Variants in CSMD1 observed in about 807,000 individuals in gnomAD.
The protein encoded by CSMD1 is CUB and sushi domain-containing protein 1.
A neutral mutation model predicts 417.5 loss-of-function variants in CSMD1; 213 were observed. That is an observed-to-expected ratio of 0.51 (90% CI 0.46 to 0.57). The LOEUF is 0.57. Ranked by LOEUF, CSMD1 falls within the 20% of genes least tolerant of loss-of-function variation. CSMD1 has a pLI of 0.00. For missense variants in CSMD1, 6,923 were observed against 4,529.7 expected, an observed-to-expected ratio of 1.53 and a Z score of -15.17; for synonymous variants, 2,862 against 1,736.8, an observed-to-expected ratio of 1.65 and a Z score of -16.11.
intron 5 of CSMD1, among the ~76,000 whole-genome samples, chr8:3,973,965 C>T (rs1016079985): frequency 3.3e-5 from 5 of 152,178 alleles, no homozygotes; most frequent in African/African-American, 9.7e-5. Context: ...ATATCCATTC[C>T]CTCAAGCATT....
intron 3 of CSMD1, among the ~76,000 whole-genome samples, chr8:4,288,545 G>A (rs1235993358): frequency 3.3e-5 from 5 of 152,142 alleles, no homozygotes; most frequent in African/African-American, 1.2e-4. Flanking sequence ...CTGTCCTTAT[G>A]ACTTGTCCTT....
chr8:3,008,513 G>C (rs1808135943), intron 52 of CSMD1, among the ~76,000 whole-genome samples: 1 of 152,202 alleles, frequency 6.6e-6, no homozygotes, highest in Non-Finnish European at 1.5e-5. Context: ...TTTAGTGTAA[G>C]TTATAAAACA....
chr8:4,235,856 G>C (rs972952686), intron 3 of CSMD1, among the ~76,000 whole-genome samples: 2 of 152,094 alleles, frequency 1.3e-5, no homozygotes, highest in South Asian at 2.1e-4. Flanking sequence ...GCCATCCTTT[G>C]ATTCTAACTG....
At chr8:4,053,585 C>CT (rs770560584) in intron 3 of CSMD1, among the ~76,000 whole-genome samples, 9 of 152,134 alleles carry the variant, frequency 5.9e-5, no homozygotes, top group Non-Finnish European at 1.3e-4. Context: ...TCCACTCCTG[C>CT]TCTTAGCAAC....
chr8:3,258,716 A>C (rs567003924), intron 26 of CSMD1, among the ~76,000 whole-genome samples: 15 of 152,256 alleles, frequency 9.9e-5, no homozygotes, highest in Non-Finnish European at 1.9e-4. Flanking sequence ...GATAGACTGG[A>C]TAAAGAAAAC....
chr8:3,521,760 G>A (rs181627929), intron 10 of CSMD1, among the ~76,000 whole-genome samples: 1 of 152,170 alleles, frequency 6.6e-6, no homozygotes, highest in South Asian at 2.1e-4. Flanking sequence ...CTCATTTATT[G>A]TATTCCCAGA....
chr8:4,559,099 G>A (rs1328748322), intron 2 of CSMD1, among the ~76,000 whole-genome samples: 1 of 152,132 alleles, frequency 6.6e-6, no homozygotes, highest in African/African-American at 2.4e-5. Flanking sequence ...GCTGCTGCAT[G>A]TTTATACTTC....
rs1031678746 is a variant in CSMD1 at position 3,106,194 on chromosome 8, T to C, written c.6949+334A>G. Reference sequence around the variant, plus strand: ...CGAGTCCAGAAGTTCAAGACCAGCCTGGGTAACATGTTGAAAACCCATTTC... The same window carrying C: ...CGAGTCCAGAAGTTCAAGACCAGCCCGGGTAACATGTTGAAAACCCATTTC... On this transcript the variant is annotated intron_variant, in intron 46 of 69. Transcript: ENST00000635120. Among the ~76,000 whole-genome samples the C allele has an allele frequency of 1.3e-3, 181 of 140,342 alleles. 1 individual carries two copies. The highest frequency in any genetic ancestry group is 4.4e-3 in the African/African-American group (168 of 38,160). The allele number at this position is 140,342 out of a possible 152,430, so 92.1% of individuals were successfully genotyped here. A position where few individuals can be genotyped will look rare whatever the true frequency, so the allele number is the denominator to read the frequency against.
At chr8:4,815,745 T>C (rs1799170863) in intron 1 of CSMD1, among the ~76,000 whole-genome samples, 1 of 151,526 alleles carries the variant, frequency 6.6e-6, no homozygotes, top group Non-Finnish European at 1.5e-5. Context: ...TTTAAATCTT[T>C]TTAAAAGGAG....
chr8:4,784,935 G>A (rs1399546571), intron 1 of CSMD1, among the ~76,000 whole-genome samples: 1 of 151,738 alleles, frequency 6.6e-6, no homozygotes, highest in Non-Finnish European at 1.5e-5. Flanking sequence ...TTGTAAAGAT[G>A]ACTAAATTAG....
intron 41 of CSMD1, among the ~76,000 whole-genome samples, chr8:3,140,296 T>G (rs370602248): frequency 2.3e-4 from 35 of 152,140 alleles, no homozygotes; most frequent in African/African-American, 8.2e-4. Flanking sequence ...CTGTATCCAT[T>G]TTGTTGTGGG....
chr8:3,852,723 G>C lies in CSMD1; in HGVS notation c.819-98681C>G, dbSNP rs3102414. 5.3e-3 allele frequency among the ~76,000 whole-genome samples: 808 copies of C among 152,088 alleles called. 9 individuals carry two copies. Among genetic ancestry groups the C allele is most frequent in the African/African-American group, 0.019 (783 of 41,492 alleles). On this transcript the variant is annotated intron_variant, in intron 5 of 69. Transcript: ENST00000635120. Reference sequence around the variant, plus strand: ...GGAGGCTGTGAGGGACGGGAGAGATGGAGGGTCAGGTAAGCGTCTGCATCT... The same window carrying C: ...GGAGGCTGTGAGGGACGGGAGAGATCGAGGGTCAGGTAAGCGTCTGCATCT...
intron 25 of CSMD1, among the ~76,000 whole-genome samples, chr8:3,298,667 T>G (rs977884365): frequency 1.3e-5 from 2 of 152,190 alleles, no homozygotes; most frequent in Admixed American, 6.5e-5. Flanking sequence ...TTGATCAGGT[T>G]GGTCTTGAAC....
chr8:3,906,998 G>C (rs907031399), intron 5 of CSMD1, among the ~76,000 whole-genome samples: 1 of 152,136 alleles, frequency 6.6e-6, no homozygotes, highest in Non-Finnish European at 1.5e-5. Flanking sequence ...GTTGTAAGAA[G>C]GTCTTCATAT....
intron 18 of CSMD1, among the ~76,000 whole-genome samples, chr8:3,374,051 C>G (rs1374471408): frequency 2.7e-5 from 4 of 150,746 alleles, no homozygotes; most frequent in South Asian, 2.1e-4. Flanking sequence ...CTCCCGGGTT[C>G]AAGCAATTCT....
intron 12 of CSMD1, among the ~76,000 whole-genome samples, chr8:3,454,230 G>A (rs1341125776): frequency 6.6e-6 from 1 of 152,172 alleles, no homozygotes; most frequent in Non-Finnish European, 1.5e-5. Flanking sequence ...TGGGTCTCCT[G>A]AATATAGCAC....
chr8:4,343,620 A>C (rs1800608100), intron 3 of CSMD1, among the ~76,000 whole-genome samples: 1 of 152,162 alleles, frequency 6.6e-6, no homozygotes, highest in Non-Finnish European at 1.5e-5. Flanking sequence ...CAAAAAGCAG[A>C]CTATGTGCAC....
At chr8:3,231,713 T>G (rs746733793) in intron 26 of CSMD1, among the ~76,000 whole-genome samples, 1 of 152,146 alleles carries the variant, frequency 6.6e-6, no homozygotes, top group African/African-American at 2.4e-5. Context: ...CTCTATCCAA[T>G]AGTGTCATAT....
chr8:4,406,921 T>C (rs1030309240), intron 3 of CSMD1, among the ~76,000 whole-genome samples: 2 of 152,146 alleles, frequency 1.3e-5, no homozygotes, highest in African/African-American at 4.8e-5. Flanking sequence ...GTGGGTTAAA[T>C]AACAAGACCA....
Sources: allele counts gnomAD v4.1 joint callset (sites outside exome capture counted in the v4.1 genomes callset), GRCh38; gene constraint gnomAD v4.1.1; transcripts MANE v1.5; gene names NCBI Gene and HGNC (gene_info 2026-07-23, HGNC 2026-07-21).